The following AOC2 variants were observed in gnomAD, a reference collection of about 807,000 sequenced individuals.
The protein encoded by AOC2 is amine oxidase [copper-containing] 2.
A neutral mutation model predicts 53.8 loss-of-function variants in AOC2; 57 were observed. That is an observed-to-expected ratio of 1.06 (90% CI 0.86 to 1.32). The LOEUF is 1.32. Ranked by LOEUF, AOC2 falls within the 40% of genes most tolerant of loss-of-function variation. The pLI is 0.00. For synonymous variants in AOC2, 404 were observed against 399.0 expected (o/e 1.01, Z -0.15); for missense variants, 1,008 against 957.2 (o/e 1.05, Z -0.70).
chr17:42,848,336 C>T (rs2055614342), intron 1 of AOC2, among the ~76,000 whole-genome samples: 1 of 151,376 alleles, frequency 6.6e-6, no homozygotes, highest in South Asian at 2.1e-4. Flanking sequence ...TAATTATGCC[C>T]AGTGTAGGGA....
At position 42,844,630 on chromosome 17, in the gene AOC2, C is replaced by T. The variant is rs772257193; in HGVS notation, c.4C>T (p.His2Tyr). The change falls in exon 1 of 4, where the codon CAT becomes TAT. Residue 2 changes from histidine to tyrosine, a missense_variant. Physicochemically the swap from His to Tyr is moderately conservative, Grantham distance 83 (BLOSUM62 2). Coordinates refer to ENST00000253799, the MANE Select transcript of AOC2 (RefSeq NM_009590.4). ...ATTTCAGCTCTCAGCATCCACCATG[C>T]ATCTCAAGATAGTCCTGGCGTTCCT... M[H>Y]LKIVLAFLAL... 1 of 1,603,468 alleles carries T rather than the reference C, an allele frequency of 6.2e-7. No individual in the cohort carries two copies. Among genetic ancestry groups the T allele is most frequent in the South Asian group, 1.1e-5 (1 of 90,516 alleles).
intron 1 of AOC2, among the ~76,000 whole-genome samples, chr17:42,847,822 C>T (rs929103742): frequency 1.3e-4 from 19 of 151,682 alleles, no homozygotes; most frequent in Admixed American, 1.2e-3. Flanking sequence ...ACTCTGTTGC[C>T]CAGGCTGGAG....
In AOC2 at chr17:42,850,222, C is replaced by T. The variant is rs999530053; in HGVS notation, c.2145C>T (p.Ser715=). 1.9e-6 allele frequency: 3 copies of T among 1,614,070 alleles called. No individual in the cohort carries two copies. Among genetic ancestry groups the T allele is most frequent in the Non-Finnish European group, 2.5e-6 (3 of 1,180,052 alleles). The change falls in exon 4 of 4, where the codon TCC becomes TCT. Residue 715 remains serine, a synonymous_variant. Transcript: ENST00000253799. ...NFFDEDPSIF[S]PGSVYFEKGQ... ...TTGATGAGGACCCCTCCATCTTCTC[C>T]CCTGGCAGTGTCTACTTTGAGAAGG... is the stretch of plus-strand genomic sequence containing the variant.
Position 42,849,871 on chromosome 17 carries a change from C to T in AOC2, c.2004+141C>T. 2.3e-6 allele frequency: 3 copies of T among 1,302,946 alleles called. No individual in the cohort carries two copies. In the East Asian group the frequency reaches 7.0e-5, roughly 31 times the overall value. The allele number at this position is 1,302,946 out of a possible 1,614,324, so 80.7% of individuals were successfully genotyped here. On this transcript the variant is annotated intron_variant, in intron 3 of 3. Transcript: ENST00000253799. ...CCATGGAGTTTTCTGATGACCAACA[C>T]AGGTCATCCCTCCTGGGGTGAGATT...
chr17:42,849,153 G>A lies in AOC2; in HGVS notation c.1656G>A (p.Glu552=). The A allele has an allele frequency of 6.2e-7, 1 of 1,614,172 alleles. No individual in the cohort carries two copies. The highest frequency in any genetic ancestry group is 8.5e-7 in the Non-Finnish European group (1 of 1,180,016). The part of the protein sequence containing the change: ...FKPVAAPWNP[E]HWLQRPQLTR... ...CTGTGGCTGCCCCCTGGAACCCGGA[G>A]CACTGGCTACAGCGCCCACAGCTGA... The change falls in exon 2 of 4, where the codon GAG becomes GAA. Residue 552 remains glutamate (E), a synonymous_variant. Coordinates refer to ENST00000253799, the MANE Select transcript of AOC2 (RefSeq NM_009590.4).
chr17:42,850,185 C>T lies in AOC2; in HGVS notation c.2108C>T (p.Pro703Leu), dbSNP rs1374950039. 1.2e-6 allele frequency: 2 copies of T among 1,614,174 alleles called. No homozygotes were observed. The highest frequency in any genetic ancestry group is 2.7e-5 in the African/African-American group (2 of 75,040). Residue 703 changes from proline to leucine, a missense_variant, in exon 4 of 4, where the codon CCC becomes CTC. Coordinates refer to ENST00000253799, the MANE Select transcript of AOC2 (RefSeq NM_009590.4). ...AACAGAGTTGGCTTCTTGCTCCGAC[C>T]CTATAACTTCTTTGATGAGGACCCC... Reference protein sequence around the residue: ...LGNRVGFLLRPYNFFDEDPSI... With the variant: ...LGNRVGFLLRLYNFFDEDPSI...
intron 1 of AOC2, among the ~76,000 whole-genome samples, chr17:42,847,236 TGGCATTAAAGA>T (rs982111665): frequency 2.6e-5 from 4 of 152,230 alleles, no homozygotes; most frequent in Non-Finnish European, 4.4e-5. Context: ...TCAGCATCTT[TGGCATTAAAGA>T]GGCTTGTTTT....
intron 1 of AOC2, among the ~76,000 whole-genome samples, chr17:42,848,198 G>A (rs556387398): frequency 1.1e-4 from 17 of 150,034 alleles, no homozygotes; most frequent in African/African-American, 3.2e-4. Flanking sequence ...TGCCACACCC[G>A]GCTCAGGAGT....
chr17:42,849,162 A>G lies in AOC2; in HGVS notation c.1665A>G (p.Leu555=), dbSNP rs201776568. 6.2e-6 allele frequency: 10 copies of G among 1,614,152 alleles called. No individual in the cohort carries two copies. In the East Asian group the frequency reaches 1.8e-4, roughly 29 times the overall value. The change falls in exon 2 of 4, where the codon CTA becomes CTG. Residue 555 remains leucine (L), a synonymous_variant. Transcript: ENST00000253799. ...VAAPWNPEHW[L]QRPQLTRQVL... is the part of the protein sequence containing the mutation. ...CCCCCTGGAACCCGGAGCACTGGCT[A>G]CAGCGCCCACAGCTGACTCGGCAGG...
Position 42,845,709 on chromosome 17 carries a change from G to A in AOC2, c.1083G>A (p.Glu361=), listed in dbSNP as rs1045253555. Residue 361 remains glutamate, a synonymous_variant, in exon 1 of 4, where the codon GAG becomes GAA. Coordinates refer to ENST00000253799, the MANE Select transcript of AOC2 (RefSeq NM_009590.4). ...TAGCCTATGAAGTCAGTGTCCAGGA[G>A]TGTGTATCTATCTATGGTGCCGATT... ...ERIAYEVSVQ[E]CVSIYGADSP... 6.2e-7 allele frequency: 1 copy of A among 1,614,198 alleles called. No individual in the cohort carries two copies. Among genetic ancestry groups the A allele is most frequent in the Non-Finnish European group, 8.5e-7 (1 of 1,180,030 alleles).
Position 42,850,105 on chromosome 17 carries a change from C to T in AOC2, c.2028C>T (p.Ala676=). 1 of 1,614,080 alleles carries T rather than the reference C, an allele frequency of 6.2e-7. No homozygotes were observed. The highest frequency in any genetic ancestry group is 8.5e-7 in the Non-Finnish European group (1 of 1,179,932). ...AGGATCTGGTGGCTTGGGTCACAGC[C>T]AGCTTCCTGCACATTCCCCATGCCG... ...LGEDLVAWVT[A]SFLHIPHAED... is the part of the protein sequence containing the mutation. Residue 676 remains alanine (A), a synonymous_variant, in exon 4 of 4, where the codon GCC becomes GCT. Transcript: ENST00000253799.
intron 1 of AOC2, 91 bp downstream of exon 1, chr17:42,846,305 TAAC>T: frequency 5.0e-6 from 7 of 1,406,436 alleles, no homozygotes; most frequent in Non-Finnish European, 6.6e-6. Flanking sequence ...CAAGCTGAAA[TAAC>T]AAGTGGCAAG....
In AOC2 at chr17:42,844,721, G is replaced by A; in HGVS notation, c.95G>A (p.Ser32Asn). Reference sequence around the variant, plus strand: ...TTGCTGACCAGCCCAGGTGGTTCCAGCCAGCCTCCCCACTGCCCCTCTGTA... The same window carrying A: ...TTGCTGACCAGCCCAGGTGGTTCCAACCAGCCTCCCCACTGCCCCTCTGTA... ...YVLLTSPGGS[S>N]QPPHCPSVSH... Residue 32 changes from serine to asparagine, a missense_variant, in exon 1 of 4, where the codon AGC (serine) becomes AAC (asparagine). By Grantham distance (46) the Ser-to-Asn change is conservative. Coordinates refer to ENST00000253799, the MANE Select transcript of AOC2 (RefSeq NM_009590.4). 9 of 1,614,184 alleles carry A rather than the reference G, an allele frequency of 5.6e-6. No homozygotes were observed. Among genetic ancestry groups the A allele is most frequent in the Non-Finnish European group, 7.6e-6 (9 of 1,180,024 alleles).
chr17:42,846,461 C>A (rs181646709), intron 1 of AOC2, among the ~76,000 whole-genome samples: 77 of 152,264 alleles, frequency 5.1e-4, no homozygotes, highest in Non-Finnish European at 9.0e-4. Context: ...CTCTGACTTG[C>A]TATGATTGTG....
In AOC2 at chr17:42,845,123, C is replaced by A; in HGVS notation, c.497C>A (p.Pro166Gln). Residue 166 changes from proline to glutamine, a missense_variant, in exon 1 of 4, where the codon CCG becomes CAG. Pro to Gln is a moderately conservative substitution (Grantham distance 76). Coordinates refer to ENST00000253799, the MANE Select transcript of AOC2 (RefSeq NM_009590.4). The stretch of plus-strand genomic sequence containing the variant: ...GGGCCCCTGCCCTATCACCGTCGCC[C>A]GGTGCTGAGAGCTGAGTTTACACAG... ...HGGPLPYHRR[P>Q]VLRAEFTQMW... 2 of 1,613,658 alleles carry A rather than the reference C, an allele frequency of 1.2e-6. No individual in the cohort carries two copies. The highest frequency in any genetic ancestry group is 1.3e-5 in the African/African-American group (1 of 75,062).
At position 42,850,608 on chromosome 17, in the gene AOC2, A is replaced by C; in HGVS notation, c.*260A>C. The C allele has an allele frequency of 2.6e-6, 1 of 382,166 alleles. No individual in the cohort carries two copies. Among genetic ancestry groups the C allele is most frequent in the East Asian group, 4.3e-5 (1 of 23,490 alleles). The allele number at this position is 382,166 out of a possible 1,614,324, so 23.7% of individuals were successfully genotyped here. ...ACTCAGAAATAGGTGGTCACATTAC[A>C]TCAGACATCTCTTTATGCATGTGCA... On this transcript the variant is annotated 3_prime_UTR_variant, in exon 4 of 4. Transcript: ENST00000253799.
chr17:42,845,399 TCTTCTAC>T lies in AOC2; in HGVS notation c.777_783del (p.Phe259LeufsTer36). Reference sequence around the variant, plus strand: ...CCTGCCCACTGGACTGTCCAGCAGGTCTTCTACCTTGGGCACTACTATGCAGACTTGG... The same window carrying T: ...CCTGCCCACTGGACTGTCCAGCAGGTCTTGGGCACTACTATGCAGACTTGG... On this transcript the variant is annotated frameshift_variant, in exon 1 of 4. Transcript: ENST00000253799. LOFTEE classifies it high-confidence loss of function. The T allele has an allele frequency of 2.5e-6, 4 of 1,614,128 alleles. 1 individual carries two copies. Among genetic ancestry groups the T allele is most frequent in the Non-Finnish European group, 3.4e-6 (4 of 1,180,012 alleles).
chr17:42,844,663 T>C lies in AOC2; in HGVS notation c.37T>C (p.Ser13Pro). 1.2e-6 allele frequency: 2 copies of C among 1,613,968 alleles called. No homozygotes were observed. Among genetic ancestry groups the C allele is most frequent in the African/African-American group, 1.3e-5 (1 of 75,036 alleles). Residue 13 changes from serine to proline, a missense_variant, in exon 1 of 4, where the codon TCC becomes CCC. Ser to Pro is a moderately conservative substitution (Grantham distance 74). Coordinates refer to ENST00000253799, the MANE Select transcript of AOC2 (RefSeq NM_009590.4). ...GATAGTCCTGGCGTTCCTGGCACTG[T>C]CCCTCATTACCATCTTTGCCCTGGC... is the stretch of plus-strand genomic sequence containing the variant. ...LKIVLAFLAL[S>P]LITIFALAYV...
chr17:42,845,556 C>A lies in AOC2; in HGVS notation c.930C>A (p.Phe310Leu). 3 of 1,614,218 alleles carry A rather than the reference C, an allele frequency of 1.9e-6. No individual in the cohort carries two copies. Among genetic ancestry groups the A allele is most frequent in the Non-Finnish European group, 2.5e-6 (3 of 1,180,034 alleles). Residue 310 changes from phenylalanine to leucine, a missense_variant, in exon 1 of 4, where the codon TTC becomes TTA. By Grantham distance (22) the Phe-to-Leu change is conservative. Transcript: ENST00000253799. ...CAGGTCCTCTTCCCCCTCTTCAGTT[C>A]TCGCCCCAGGGTTCCCAGTACAGTG... is the stretch of plus-strand genomic sequence containing the variant. ...NSPGPLPPLQ[F>L]SPQGSQYSVQ...
Sources: allele counts gnomAD v4.1 joint callset (sites outside exome capture counted in the v4.1 genomes callset), GRCh38; gene constraint gnomAD v4.1.1; transcripts MANE v1.5; gene names NCBI Gene and HGNC (gene_info 2026-07-23, HGNC 2026-07-21).